Variants in RMND5A observed in about 807,000 individuals in gnomAD.
RMND5A encodes the protein E3 ubiquitin-protein transferase RMND5A.
A neutral mutation model predicts 49.7 loss-of-function variants in RMND5A; 17 were observed. That is an observed-to-expected ratio of 0.34 (90% confidence interval 0.23 to 0.51). RMND5A has a LOEUF of 0.51. RMND5A is among the 20% of genes least tolerant of loss of function. The pLI is 0.96. For synonymous variants in RMND5A, 156 were observed against 167.7 expected, an observed-to-expected ratio of 0.93 and a Z score of 0.54; for missense variants, 255 against 471.3, an observed-to-expected ratio of 0.54 and a Z score of 4.25.
Position 86,770,095 on chromosome 2 carries a change from T to C in RMND5A, c.927T>C (p.Thr309=). Residue 309 remains threonine (T), a synonymous_variant, in exon 7 of 9, where the codon ACT becomes ACC. Transcript: ENST00000283632. ...CCGTGATTGAACAGAGGCAGTGTAC[T>C]GGAGTTTGGAACCAGAAAGATGAAT... ...IKAVIEQRQC[T]GVWNQKDELP... 6.2e-7 allele frequency: 1 copy of C among 1,613,926 alleles called. No homozygotes were observed. Among genetic ancestry groups the C allele is most frequent in the African/African-American group, 1.3e-5 (1 of 75,050 alleles).
chr2:86,756,737 G>A (rs1003435039), intron 4 of RMND5A, among the ~76,000 whole-genome samples: 13 of 152,184 alleles, frequency 8.5e-5, no homozygotes, highest in Non-Finnish European at 1.9e-4. Flanking sequence ...TACAAGGCGG[G>A]AGATATCTGC....
At chr2:86,745,887 C>A (rs967846428) in intron 2 of RMND5A, among the ~76,000 whole-genome samples, 1 of 152,132 alleles carries the variant, frequency 6.6e-6, no homozygotes, top group Non-Finnish European at 1.5e-5. Context: ...AGAATCTGTT[C>A]TTAAACACTG....
chr2:86,744,953 G>A (rs895789851), intron 2 of RMND5A, among the ~76,000 whole-genome samples: 1 of 151,870 alleles, frequency 6.6e-6, no homozygotes, highest in Non-Finnish European at 1.5e-5. Context: ...ATTGGTGTGA[G>A]CCACTGTGCC....
At chr2:86,744,600 T>TA (rs1227214570) in intron 2 of RMND5A, among the ~76,000 whole-genome samples, 1 of 152,330 alleles carries the variant, frequency 6.6e-6, no homozygotes, top group East Asian at 1.9e-4. Context: ...TTTTAATACT[T>TA]ATGTTTTAAA....
At chr2:86,760,957 G>A (rs1364301193) in intron 4 of RMND5A, among the ~76,000 whole-genome samples, 1 of 137,712 alleles carries the variant, frequency 7.3e-6, no homozygotes, top group Non-Finnish European at 1.5e-5. Context: ...TTTGGATTGA[G>A]AGAGAGAAGT....
At chr2:86,721,688 G>A (rs535978626) in intron 1 of RMND5A, among the ~76,000 whole-genome samples, 1 of 151,692 alleles carries the variant, frequency 6.6e-6, no homozygotes, top group African/African-American at 2.4e-5. Flanking sequence ...AAGTCACAGC[G>A]ATGATTCCTT....
At chr2:86,764,468 G>A (rs993386818) in intron 4 of RMND5A, among the ~76,000 whole-genome samples, 4 of 152,086 alleles carry the variant, frequency 2.6e-5, no homozygotes, top group African/African-American at 7.2e-5. Flanking sequence ...TTAGAACTAT[G>A]TTTGTACAAA....
rs1672588333 is a variant in RMND5A at position 86,766,173 on chromosome 2, C to T, written c.854+149C>T. 5.7e-5 allele frequency: 41 copies of T among 719,706 alleles called. No homozygotes were observed. The South Asian group carries it at 7.4e-4, about 13-fold the overall frequency. 44.6% of individuals were successfully genotyped at this position (719,706 alleles called of 1,614,324 possible). On this transcript the variant is annotated intron_variant, in intron 6 of 8. Transcript: ENST00000283632. ...GTATTTCAAAAGATATCACAATTGGCAGTGATGCTGTTTTAGAGAAGCAGT... is the reference window on the plus strand; with the variant it reads ...GTATTTCAAAAGATATCACAATTGGTAGTGATGCTGTTTTAGAGAAGCAGT...
In RMND5A at chr2:86,775,863, C is replaced by G. The variant is rs1338602478; in HGVS notation, c.*2452C>G. 6.6e-6 allele frequency: 1 copy of G among 152,184 alleles called. No individual in the cohort carries two copies. Among genetic ancestry groups the G allele is most frequent in the Non-Finnish European group, 1.5e-5 (1 of 68,042 alleles). 9.4% of individuals were successfully genotyped at this position (152,184 alleles called of 1,614,324 possible). A position where few individuals can be genotyped will look rare whatever the true frequency, so the allele number is the denominator to read the frequency against. Reference sequence around the variant, plus strand: ...TGCTGAGATACAGCATTCTGTCCCCCCTGCCCTAGAAACTCCATAAATGCT... The same window carrying G: ...TGCTGAGATACAGCATTCTGTCCCCGCTGCCCTAGAAACTCCATAAATGCT... On this transcript the variant is annotated 3_prime_UTR_variant, in exon 9 of 9. Transcript: ENST00000283632.
chr2:86,765,298 T>A (rs1238342081), intron 5 of RMND5A, 105 bp downstream of exon 5: 4 of 978,934 alleles, frequency 4.1e-6, no homozygotes, highest in Non-Finnish European at 5.9e-6. Context: ...CAGTAAACAG[T>A]TGTAGTTGAT....
intron 3 of RMND5A, among the ~76,000 whole-genome samples, chr2:86,752,577 C>G (rs1558722934): frequency 6.6e-6 from 1 of 152,148 alleles, no homozygotes; most frequent in African/African-American, 2.4e-5. Context: ...TAAGCCAAGC[C>G]CTGCCTTTAT....
chr2:86,721,655 G>C (rs765612790), intron 1 of RMND5A, among the ~76,000 whole-genome samples: 10 of 151,638 alleles, frequency 6.6e-5, no homozygotes, highest in Non-Finnish European at 1.0e-4. Flanking sequence ...TACTTTTAAA[G>C]GTTTGGTTTT....
intron 2 of RMND5A, among the ~76,000 whole-genome samples, chr2:86,750,955 TATA>T (rs1203061748): frequency 6.6e-6 from 1 of 152,178 alleles, no homozygotes; most frequent in Non-Finnish European, 1.5e-5. Flanking sequence ...TTTGTATTTT[TATA>T]ATAACTGCCC....
intron 6 of RMND5A, among the ~76,000 whole-genome samples, chr2:86,767,184 C>A (rs1423284678): frequency 1.3e-5 from 2 of 152,162 alleles, no homozygotes; most frequent in African/African-American, 4.8e-5. Context: ...CTGCCTCAGC[C>A]TCTGGAGTAG....
intron 6 of RMND5A, among the ~76,000 whole-genome samples, chr2:86,766,777 C>A (rs1261505609): frequency 6.6e-6 from 1 of 151,818 alleles, no homozygotes; most frequent in East Asian, 1.9e-4. Flanking sequence ...TCTCTTGAGG[C>A]CAGGAATTCA....
chr2:86,750,540 T>C (rs1681616475), intron 2 of RMND5A, among the ~76,000 whole-genome samples: 1 of 152,236 alleles, frequency 6.6e-6, no homozygotes, highest in South Asian at 2.1e-4. Flanking sequence ...GATTTTTTGC[T>C]TTATCTTTAG....
chr2:86,743,751 C>T (rs1025054363), intron 2 of RMND5A, among the ~76,000 whole-genome samples: 2 of 151,822 alleles, frequency 1.3e-5, no homozygotes, highest in Admixed American at 6.6e-5. Context: ...TTTGGGAGGC[C>T]GAGGCAGGCG....
chr2:86,732,326 C>A (rs565904681), intron 1 of RMND5A, among the ~76,000 whole-genome samples: 1 of 150,390 alleles, frequency 6.6e-6, no homozygotes, highest in Non-Finnish European at 1.5e-5. Context: ...CCCCCCATAT[C>A]ATAAAAATAA....
Position 86,742,647 on chromosome 2 carries a change from A to G in RMND5A, c.285+1578A>G, listed in dbSNP as rs372598738. 3.1e-3 allele frequency among the ~76,000 whole-genome samples: 468 copies of G among 151,274 alleles called. 2 individuals are homozygous for G. Among genetic ancestry groups the G allele is most frequent in the African/African-American group, 0.01 (420 of 40,938 alleles). ...GAACCCTCAGTTCCTCTAGAGGTAC[A>G]GTAACTACTGGTGGTGTCTAAGAAG... On this transcript the variant is annotated intron_variant, in intron 2 of 8. Coordinates refer to ENST00000283632, the MANE Select transcript of RMND5A (RefSeq NM_022780.4).
Sources: allele counts gnomAD v4.1 joint callset (sites outside exome capture counted in the v4.1 genomes callset), GRCh38; gene constraint gnomAD v4.1.1; transcripts MANE v1.5; gene names NCBI Gene and HGNC (gene_info 2026-07-23, HGNC 2026-07-21).